Variants in PIGL observed in about 807,000 individuals in gnomAD.
PIGL encodes phosphatidylinositol glycan anchor biosynthesis class L.
A neutral mutation model predicts 31.1 loss-of-function variants in PIGL; 22 were observed. The ratio of observed to expected loss-of-function variants is 0.71; its 90% CI spans 0.51 to 1.01. PIGL has a LOEUF of 1.01. PIGL is among the 50% of genes least tolerant of loss of function. The pLI is 0.00. For missense variants in PIGL, 302 were observed against 315.9 expected (o/e 0.96, Z 0.33); for synonymous variants, 131 against 117.4 (o/e 1.12, Z -0.75).
Position 16,252,529 on chromosome 17 carries a change from G to GT in PIGL, c.335+18467dup, listed in dbSNP as rs531087604. Among the ~76,000 whole-genome samples, 1,083 of 150,346 alleles carry GT rather than the reference G, an allele frequency of 7.2e-3. 13 individuals are homozygous for GT. Among genetic ancestry groups the GT allele is most frequent in the African/African-American group, 0.025 (1,040 of 41,076 alleles). ...TCTAATTCCACATGAATCTGTGTAG[G>GT]TTTTTTTTAGTAAGCCTTTATTACT... On this transcript the variant is annotated intron_variant, in intron 2 of 6. Coordinates refer to ENST00000225609, the MANE Select transcript of PIGL (RefSeq NM_004278.4).
intron 2 of PIGL, among the ~76,000 whole-genome samples, chr17:16,236,306 A>G (rs552989751): frequency 1.3e-5 from 2 of 152,170 alleles, no homozygotes; most frequent in Non-Finnish European, 2.9e-5. Flanking sequence ...AGGTTCAGTC[A>G]TATGTTCTTT....
intron 2 of PIGL, among the ~76,000 whole-genome samples, chr17:16,295,097 G>A (rs1173918462): frequency 2.0e-5 from 3 of 152,118 alleles, no homozygotes; most frequent in Non-Finnish European, 4.4e-5. Context: ...TCCGTCCATC[G>A]GGGGACTTAT....
At chr17:16,302,722 T>C (rs2093010057) in intron 3 of PIGL, among the ~76,000 whole-genome samples, 1 of 152,000 alleles carries the variant, frequency 6.6e-6, no homozygotes, top group Non-Finnish European at 1.5e-5. Flanking sequence ...GCCTCAGCCT[T>C]CTGAGTAGCT....
intron 2 of PIGL, among the ~76,000 whole-genome samples, chr17:16,267,826 G>C (rs1350226474): frequency 1.3e-5 from 2 of 152,136 alleles, no homozygotes; most frequent in Admixed American, 1.3e-4. Flanking sequence ...CCAGCCCAGG[G>C]GGTGCAACTT....
intron 3 of PIGL, among the ~76,000 whole-genome samples, chr17:16,303,043 A>G (rs940918871): frequency 6.6e-6 from 1 of 152,142 alleles, no homozygotes; most frequent in Admixed American, 6.5e-5. Flanking sequence ...GACCCTGAGT[A>G]TCTGAGGGAG....
chr17:16,301,421 C>T (rs1167123377), intron 3 of PIGL, among the ~76,000 whole-genome samples: 9 of 151,554 alleles, frequency 5.9e-5, no homozygotes, highest in Non-Finnish European at 1.0e-4. Flanking sequence ...CGTGCCACCA[C>T]GCCAGGCTAA....
intron 2 of PIGL, among the ~76,000 whole-genome samples, chr17:16,286,105 G>T (rs966539940): frequency 3.9e-5 from 6 of 152,258 alleles, no homozygotes; most frequent in Non-Finnish European, 7.3e-5. Flanking sequence ...ATCGAGTTTA[G>T]AGATGGGCCA....
intron 6 of PIGL, among the ~76,000 whole-genome samples, chr17:16,325,072 G>C (rs761913128): frequency 6.6e-6 from 1 of 151,882 alleles, no homozygotes; most frequent in Non-Finnish European, 1.5e-5. Flanking sequence ...CTGGCCAGGC[G>C]CGGTGGCTCA....
intron 2 of PIGL, among the ~76,000 whole-genome samples, chr17:16,254,396 G>A (rs901078723): frequency 9.2e-5 from 14 of 151,948 alleles, no homozygotes; most frequent in African/African-American, 3.1e-4. Flanking sequence ...AGCCTCCCGA[G>A]TAGCTGGGAT....
intron 1 of PIGL, among the ~76,000 whole-genome samples, chr17:16,220,410 A>C (rs1294627552): frequency 9.2e-5 from 13 of 140,700 alleles, no homozygotes; most frequent in Non-Finnish European, 1.1e-4. Context: ...GTATTTCATT[A>C]TTTCCTCTGA....
intron 2 of PIGL, among the ~76,000 whole-genome samples, chr17:16,238,128 G>A (rs1282661767): frequency 6.6e-6 from 1 of 150,750 alleles, no homozygotes; most frequent in Admixed American, 6.6e-5. Context: ...CCCAGGAGAT[G>A]GAGGTTGCAG....
intron 2 of PIGL, among the ~76,000 whole-genome samples, chr17:16,263,069 G>T (rs537120506): frequency 7.5e-6 from 1 of 133,890 alleles, no homozygotes; most frequent in Non-Finnish European, 1.6e-5. Flanking sequence ...GGGAAAAATG[G>T]GGTTTATTAT....
intron 2 of PIGL, among the ~76,000 whole-genome samples, chr17:16,290,647 G>A (rs2092956534): frequency 1.3e-5 from 2 of 152,146 alleles, no homozygotes; most frequent in African/African-American, 4.8e-5. Context: ...GCCTCCCAAA[G>A]TCCTAGGATT....
chr17:16,294,396 A>G (rs902332460), intron 2 of PIGL, among the ~76,000 whole-genome samples: 8 of 152,068 alleles, frequency 5.3e-5, no homozygotes, highest in African/African-American at 1.9e-4. Flanking sequence ...AACCCTTGCC[A>G]TGTCTCCCTT....
At chr17:16,279,276 A>T (rs1568818427) in intron 2 of PIGL, among the ~76,000 whole-genome samples, 1 of 152,240 alleles carries the variant, frequency 6.6e-6, no homozygotes, top group Non-Finnish European at 1.5e-5. Flanking sequence ...AGTAAAGGAA[A>T]CAAAAGAATG....
At chr17:16,252,954 A>C (rs1265134110) in intron 2 of PIGL, among the ~76,000 whole-genome samples, 1 of 152,216 alleles carries the variant, frequency 6.6e-6, no homozygotes, top group African/African-American at 2.4e-5. Context: ...GTGGTGGCTT[A>C]TTCCTGTAAT....
chr17:16,319,385 T>C (rs1272841744), intron 6 of PIGL, among the ~76,000 whole-genome samples: 1 of 152,160 alleles, frequency 6.6e-6, no homozygotes, highest in African/African-American at 2.4e-5. Flanking sequence ...TTTGCCACTT[T>C]ATCACTGTTA....
intron 3 of PIGL, among the ~76,000 whole-genome samples, chr17:16,307,792 C>A (rs960043741): frequency 6.6e-6 from 1 of 151,928 alleles, no homozygotes; most frequent in African/African-American, 2.4e-5. Context: ...CATGACAAGA[C>A]CTTGTCTTTA....
chr17:16,224,362 T>C (rs2092642430), intron 1 of PIGL, among the ~76,000 whole-genome samples: 4 of 151,906 alleles, frequency 2.6e-5, no homozygotes, highest in Admixed American at 2.6e-4. Context: ...AGAGCCTCAC[T>C]GTTGCACAAT....
Sources: allele counts gnomAD v4.1 joint callset (sites outside exome capture counted in the v4.1 genomes callset), GRCh38; gene constraint gnomAD v4.1.1; transcripts MANE v1.5; gene names NCBI Gene and HGNC (gene_info 2026-07-23, HGNC 2026-07-21).